NCOR1: variants seen among roughly 807,000 people sequenced by gnomAD.
NCOR1 encodes the protein protein phosphatase 1, regulatory subunit 109.
Under a neutral mutation model 288.1 loss-of-function variants are expected in NCOR1, and 63 were observed. The observed-to-expected ratio is 0.22, with a 90% CI of 0.18 to 0.27. The LOEUF (loss-of-function observed/expected upper bound fraction) is 0.27, where lower values mean the gene tolerates loss of function less well. Ranked by LOEUF, NCOR1 falls within the 10% of genes least tolerant of loss-of-function variation. The probability of loss-of-function intolerance (pLI) is 1.00; values close to 1 mark genes in which losing one functional copy is unlikely to be tolerated. For synonymous variants in NCOR1, 1,007 were observed against 1,065.9 expected (o/e 0.94, Z 1.08); for missense variants, 2,397 against 3,019.2 (o/e 0.79, Z 4.83).
Position 16,108,797 on chromosome 17 carries a change from T to C in NCOR1, c.2171A>G (p.Glu724Gly). The change falls in exon 19 of 46, where the codon GAA (glutamate) becomes GGA (glycine). Residue 724 changes from glutamate to glycine, a missense_variant. This residue lies in a region of NCOR1 where 1,872 missense variants were observed against 2,187.8 expected (regional missense o/e 0.86). Coordinates refer to ENST00000268712, the MANE Select transcript of NCOR1 (RefSeq NM_006311.4). ...AAATTTTGAGATACCTTCGCTGTCT[T>C]CTGGATTTTCTTCTTCATTGGAGGC... is the stretch of plus-strand genomic sequence containing the variant. ...IEASNEEENP[E>G]DSEVEAVKPS... is the part of the protein sequence containing the mutation. 6.3e-7 allele frequency: 1 copy of C among 1,597,948 alleles called. No homozygotes were observed.
At chr17:16,084,547 T>G (rs1392249420) in intron 23 of NCOR1, among the ~76,000 whole-genome samples, 1 of 152,146 alleles carries the variant, frequency 6.6e-6, no homozygotes, top group Non-Finnish European at 1.5e-5. Flanking sequence ...ACTGAAGACT[T>G]ATACTACATG....
chr17:16,126,707 A>C (rs930111733), intron 14 of NCOR1, among the ~76,000 whole-genome samples: 1 of 152,240 alleles, frequency 6.6e-6, no homozygotes, highest in African/African-American at 2.4e-5. Flanking sequence ...CTAAGACTGA[A>C]GTAATTTGGA....
At chr17:16,092,716 T>A (rs1220936167) in intron 21 of NCOR1, among the ~76,000 whole-genome samples, 6 of 100,978 alleles carry the variant, frequency 5.9e-5, no homozygotes, top group South Asian at 8.0e-4. Flanking sequence ...TTTTTTTTTT[T>A]AAGACATAGT....
Position 16,127,585 on chromosome 17 carries a change from G to GCA in NCOR1, c.1510-1380_1510-1379insTG, listed in dbSNP as rs879338830. ...TATATGTATGTATATATACATATGT[G>GCA]TATATATGTATGTATACATACATAT... On this transcript the variant is annotated intron_variant, in intron 14 of 45. Transcript: ENST00000268712. Among the ~76,000 whole-genome samples the GCA allele has an allele frequency of 8.9e-3, 1,269 of 142,214 alleles. 54 individuals carry two copies. Among genetic ancestry groups the GCA allele is most frequent in the African/African-American group, 0.014 (526 of 38,402 alleles). 93.3% of individuals were successfully genotyped at this position (142,214 alleles called of 152,430 possible).
At position 16,049,246 on chromosome 17, in the gene NCOR1, G is replaced by A. The variant is rs1597845969; in HGVS notation, c.6393-258C>T. On this transcript the variant is annotated intron_variant, in intron 40 of 45. Transcript: ENST00000268712. ...AGGAGTCACGTCATCAGACAGTGCT[G>A]CCCGGGCAGCAGCAGTGGCAGAAGC... The A allele has an allele frequency of 3.6e-5, 9 of 249,734 alleles. No homozygotes were observed. The East Asian group carries it at 6.5e-4, about 18-fold the overall frequency. The allele number at this position is 249,734 out of a possible 1,614,324, so 15.5% of individuals were successfully genotyped here. A position where few individuals can be genotyped will look rare whatever the true frequency, so the allele number is the denominator to read the frequency against.
At chr17:16,166,455 C>A (rs1360545410) in intron 4 of NCOR1, among the ~76,000 whole-genome samples, 1 of 152,218 alleles carries the variant, frequency 6.6e-6, no homozygotes, top group South Asian at 2.1e-4. Flanking sequence ...CTGACGCAGG[C>A]AGATCACAAG....
intron 3 of NCOR1, among the ~76,000 whole-genome samples, chr17:16,179,690 G>C (rs902761657): frequency 6.6e-6 from 1 of 152,268 alleles, no homozygotes; most frequent in South Asian, 2.1e-4. Context: ...CAAAACTAGA[G>C]GCCAATCTCT....
rs1878893510 is a variant in NCOR1 at position 16,215,243 on chromosome 17, G to A, written c.-71+119C>T. ...GACGGGTCCCGACCTGCCCAGGCCT[G>A]CGACACCCCCCGCCCGGCGGAGAAA... is the stretch of plus-strand genomic sequence containing the variant. On this transcript the variant is annotated intron_variant, in intron 1 of 45. Coordinates refer to ENST00000268712, the MANE Select transcript of NCOR1 (RefSeq NM_006311.4). 3 of 383,838 alleles carry A rather than the reference G, an allele frequency of 7.8e-6. No individual in the cohort carries two copies. In the Admixed American group the frequency reaches 1.3e-4, roughly 17 times the overall value. The allele number at this position is 383,838 out of a possible 1,614,324, so 23.8% of individuals were successfully genotyped here.
chr17:16,073,401 A>G (rs181571624), intron 28 of NCOR1, 28 bp downstream of exon 28: 5 of 1,538,074 alleles, frequency 3.3e-6, no homozygotes, highest in African/African-American at 2.8e-5. Flanking sequence ...ACATGTATCA[A>G]AATAACATTC....
At chr17:16,087,439 C>G in intron 22 of NCOR1, 1 of 723,850 alleles carries the variant, frequency 1.4e-6, no homozygotes, top group Non-Finnish European at 2.0e-6. Context: ...GGGGCTGATC[C>G]GACTATAACA....
chr17:16,160,379 T>G (rs570932163), intron 5 of NCOR1, among the ~76,000 whole-genome samples: 1 of 152,156 alleles, frequency 6.6e-6, no homozygotes, highest in Non-Finnish European at 1.5e-5. Flanking sequence ...TTTAAAAATA[T>G]CCACACGAAT....
chr17:16,102,133 T>C (rs1399933170), intron 19 of NCOR1, among the ~76,000 whole-genome samples: 2 of 152,236 alleles, frequency 1.3e-5, no homozygotes, highest in Non-Finnish European at 2.9e-5. Context: ...AGCCTCTTCC[T>C]GTGAATTTCC....
chr17:16,205,386 G>T (rs1450299271), intron 1 of NCOR1, among the ~76,000 whole-genome samples: 1 of 152,194 alleles, frequency 6.6e-6, no homozygotes, highest in Non-Finnish European at 1.5e-5. Flanking sequence ...ACTTCGGGAG[G>T]CCGAGGTGGG....
chr17:16,118,052 G>A (rs2072072667), intron 17 of NCOR1, 25 bp from the exon 18 acceptor site: 3 of 1,603,082 alleles, frequency 1.9e-6, no homozygotes, highest in African/African-American at 1.3e-5. Context: ...CAGACCAAAT[G>A]TTAATTGAAC....
intron 18 of NCOR1, among the ~76,000 whole-genome samples, chr17:16,115,919 A>G (rs1481895903): frequency 6.6e-6 from 1 of 152,098 alleles, no homozygotes; most frequent in Admixed American, 6.6e-5. Flanking sequence ...GTACCAATTT[A>G]TTGTATTAGT....
chr17:16,146,333 T>C (rs2078001160), intron 10 of NCOR1, 43 bp downstream of exon 10: 1 of 1,526,016 alleles, frequency 6.6e-7, no homozygotes, highest in Non-Finnish European at 8.8e-7. Flanking sequence ...ACAATAAATA[T>C]TTGAAGAAAA....
At chr17:16,044,755 CT>C (rs2058376562) in intron 42 of NCOR1, 2 of 838,346 alleles carry the variant, frequency 2.4e-6, no homozygotes, top group Admixed American at 3.4e-5. Context: ...TTTGGTCCAG[CT>C]TGTTTGCAAT....
chr17:16,135,782 CAT>C lies in NCOR1; in HGVS notation c.1509+1527_1509+1528del, dbSNP rs368048362. Among the ~76,000 whole-genome samples, 1,201 of 152,226 alleles carry C rather than the reference CAT, an allele frequency of 7.9e-3. 15 individuals are homozygous for C. The highest frequency in any genetic ancestry group is 0.028 in the African/African-American group (1,156 of 41,522). On this transcript the variant is annotated intron_variant, in intron 14 of 45. Coordinates refer to ENST00000268712, the MANE Select transcript of NCOR1 (RefSeq NM_006311.4). ...CTGTGGGAAATAATGACCCAGAAAACATAAAAAGGTTATAGCTGTGAATACTG... is the reference window on the plus strand; with the variant it reads ...CTGTGGGAAATAATGACCCAGAAAACAAAAAGGTTATAGCTGTGAATACTG...
chr17:16,144,768 T>G (rs1174745733), intron 10 of NCOR1, among the ~76,000 whole-genome samples: 4 of 151,012 alleles, frequency 2.6e-5, no homozygotes, highest in Admixed American at 1.3e-4. Context: ...ACGATCTCCC[T>G]CTCCCTCTCC....
Sources: gnomAD v4.1 joint callset for allele counts (sites outside exome capture counted in the v4.1 genomes callset) on GRCh38, gnomAD v4.1.1 for gene constraint, gnomAD v4.1.1 regional missense constraint, MANE v1.5 for transcripts, NCBI Gene and HGNC (gene_info 2026-07-23, HGNC 2026-07-21) for gene names.